The following UNC79 variants were observed in gnomAD, a reference collection of about 807,000 sequenced individuals.
The protein encoded by UNC79 is protein unc-79 homolog.
UNC79 carries 37 observed loss-of-function variants against 283.1 expected under a neutral mutation model. The ratio of observed to expected loss-of-function variants is 0.13; its 90% confidence interval spans 0.10 to 0.17. The LOEUF (loss-of-function observed/expected upper bound fraction) is 0.17. UNC79 is among the 10% of genes least tolerant of loss of function. UNC79 has a pLI of 1.00. For missense variants in UNC79, 2,272 were observed against 3,211.1 expected, an observed-to-expected ratio of 0.71 and a Z score of 7.07; for synonymous variants, 1,107 against 1,200.2, an observed-to-expected ratio of 0.92 and a Z score of 1.61.
chr14:93,690,233 C>T lies in UNC79; in HGVS notation c.7202C>T (p.Pro2401Leu). Residue 2401 changes from proline to leucine, a missense_variant, in exon 45 of 49, where the codon CCT (proline) becomes CTT (leucine). Pro to Leu is a moderately conservative substitution (Grantham distance 98). Around this residue, in one of 11 missense-constraint regions of UNC79, gnomAD observed 225 missense variants for 334.2 expected, o/e 0.67. Transcript: ENST00000555664. This position sits in a 1 kb window ranked among gnomAD's most constrained non-coding sequence, Gnocchi z 4.3. ...GCCTCCTCTCCCTGCCTGCCCATTC[C>T]TCTGGATGCAGGCTCCCACGTTGCA... 6.2e-7 allele frequency: 1 copy of T among 1,614,172 alleles called. No individual in the cohort carries two copies. Among genetic ancestry groups the T allele is most frequent in the Non-Finnish European group, 8.5e-7 (1 of 1,180,032 alleles).
downstream of UNC79, chr14:93,706,934 T>C: frequency 6.2e-7 from 1 of 1,612,156 alleles, no homozygotes; most frequent in Admixed American, 1.7e-5. Context: ...GTGTCAACAC[T>C]CTGGTTTAGC....
intron 47 of UNC79, among the ~76,000 whole-genome samples, chr14:93,698,489 T>G (rs1249081892): frequency 1.9e-5 from 2 of 106,930 alleles, no homozygotes; most frequent in Non-Finnish European, 3.8e-5. Context: ...TTTTTTTTTT[T>G]TTTTTTTTTT....
chr14:93,558,510 C>T (rs1444304377), intron 14 of UNC79, among the ~76,000 whole-genome samples: 2 of 146,604 alleles, frequency 1.4e-5, no homozygotes, highest in African/African-American at 2.6e-5. Context: ...GAGCCGAGAT[C>T]GCGCCACTGC....
At chr14:93,388,924 C>T (rs2054830342) in intron 1 of UNC79, among the ~76,000 whole-genome samples, 1 of 152,156 alleles carries the variant, frequency 6.6e-6, no homozygotes, top group African/African-American at 2.4e-5. Flanking sequence ...TGGCTTCTTC[C>T]AGTAAGATTC....
intron 4 of UNC79, among the ~76,000 whole-genome samples, chr14:93,481,596 A>G (rs540544896): frequency 4.6e-5 from 7 of 152,270 alleles, no homozygotes; most frequent in Admixed American, 2.0e-4. Context: ...TTTCTCAAAA[A>G]GTCACTTACC....
At position 93,385,096 on chromosome 14, in the gene UNC79, A is replaced by G. The variant is rs561270308; in HGVS notation, c.-351+51573A>G. Among the ~76,000 whole-genome samples the G allele has an allele frequency of 9.9e-5, 15 of 152,194 alleles. 1 individual carries two copies. Among genetic ancestry groups the G allele is most frequent in the Non-Finnish European group, 2.2e-4 (15 of 68,032 alleles). Reference sequence around the variant, plus strand: ...TTTGGTTACTATAGCTCTGTAGTGTATAAGTCAGGTAATGTGATTCCTTCA... The same window carrying G: ...TTTGGTTACTATAGCTCTGTAGTGTGTAAGTCAGGTAATGTGATTCCTTCA... On this transcript the variant is annotated intron_variant, in intron 1 of 49. Transcript: ENST00000256339.
chr14:93,506,484 A>G (rs2059548242), intron 7 of UNC79, among the ~76,000 whole-genome samples: 1 of 152,148 alleles, frequency 6.6e-6, no homozygotes, highest in Non-Finnish European at 1.5e-5. Flanking sequence ...AAGGTATTTC[A>G]TGATTTTCTC....
intron 8 of UNC79, among the ~76,000 whole-genome samples, chr14:93,527,551 T>A (rs2060602233): frequency 6.6e-6 from 1 of 152,198 alleles, no homozygotes; most frequent in South Asian, 2.1e-4. Flanking sequence ...CAATTCTAAC[T>A]AGCTTCCTCA....
chr14:93,347,485 G>C (rs937762904), intron 1 of UNC79: 10 of 1,334,632 alleles, frequency 7.5e-6, no homozygotes, highest in African/African-American at 1.6e-5. Context: ...GACACGGCGT[G>C]CAGGCCTCGC....
At chr14:93,423,870 C>T (rs138444177) in intron 1 of UNC79, among the ~76,000 whole-genome samples, 1,893 of 152,264 alleles carry the variant, frequency 0.012, 40 homozygotes, top group African/African-American at 0.043. Flanking sequence ...AATGGGATCA[C>T]ATCAAGTTAA....
At chr14:93,669,337 G>A (rs2072579423) in intron 40 of UNC79, among the ~76,000 whole-genome samples, 1 of 152,176 alleles carries the variant, frequency 6.6e-6, no homozygotes, top group Non-Finnish European at 1.5e-5. Context: ...GAAGAGCCCA[G>A]ATATTCAGAG....
chr14:93,464,209 G>A (rs2057069286), intron 1 of UNC79, among the ~76,000 whole-genome samples: 1 of 152,194 alleles, frequency 6.6e-6, no homozygotes, highest in Non-Finnish European at 1.5e-5. Context: ...GTTTGCTCCA[G>A]CTGCCATAAA....
At chr14:93,527,300 A>G (rs1195185965) in intron 8 of UNC79, among the ~76,000 whole-genome samples, 1 of 152,216 alleles carries the variant, frequency 6.6e-6, no homozygotes, top group Non-Finnish European at 1.5e-5. Context: ...ATTTTCTTAC[A>G]TATTTATTGT....
chr14:93,444,004 G>C (rs767478549), intron 1 of UNC79, among the ~76,000 whole-genome samples: 4 of 152,144 alleles, frequency 2.6e-5, no homozygotes, highest in African/African-American at 9.7e-5. Context: ...AATGTTTACC[G>C]TTATAAGGTA....
intron 38 of UNC79, among the ~76,000 whole-genome samples, chr14:93,657,220 A>G (rs1451208297): frequency 6.6e-6 from 1 of 152,216 alleles, no homozygotes; most frequent in Admixed American, 6.5e-5. Flanking sequence ...TAGCTACTGT[A>G]CATCAACACA....
At chr14:93,556,239 T>G (rs763377637) in intron 14 of UNC79, among the ~76,000 whole-genome samples, 10 of 152,098 alleles carry the variant, frequency 6.6e-5, no homozygotes, top group Non-Finnish European at 1.0e-4. Flanking sequence ...ATTTCATACC[T>G]TCTAGTTGCC....
chr14:93,560,759 C>A (rs1036723614), intron 14 of UNC79, among the ~76,000 whole-genome samples: 1 of 151,584 alleles, frequency 6.6e-6, no homozygotes. Context: ...AGAGCTTGTG[C>A]CAGGCAAAAC....
At chr14:93,406,790 C>T (rs1444629156) in intron 1 of UNC79, among the ~76,000 whole-genome samples, 2 of 152,112 alleles carry the variant, frequency 1.3e-5, no homozygotes, top group Non-Finnish European at 2.9e-5. Flanking sequence ...TTTCTTAGAT[C>T]TATTAGATAA....
chr14:93,639,904 C>T (rs916191768), intron 32 of UNC79, among the ~76,000 whole-genome samples: 6 of 152,222 alleles, frequency 3.9e-5, no homozygotes, highest in Non-Finnish European at 7.3e-5. Context: ...GAGGAAAGGT[C>T]ATACCGGGTT....
Sources: allele counts gnomAD v4.1 joint callset (sites outside exome capture counted in the v4.1 genomes callset), GRCh38; gene constraint gnomAD v4.1.1; regional missense constraint gnomAD v4.1.1; non-coding constraint Gnocchi (gnomAD v3.1); transcripts MANE v1.5; gene names NCBI Gene and HGNC (gene_info 2026-07-23, HGNC 2026-07-21).